PDE1C: variants seen among roughly 807,000 people sequenced by gnomAD.
The protein encoded by PDE1C is dual specificity calcium/calmodulin-dependent 3',5'-cyclic nucleotide phosphodiesterase 1C.
PDE1C carries 62 observed loss-of-function variants against 93.1 expected under a neutral mutation model. The observed-to-expected ratio is 0.67, with a 90% CI of 0.54 to 0.82. PDE1C has a LOEUF of 0.82. Among genes scored for constraint, PDE1C ranks in the 40% least tolerant of loss-of-function variants. PDE1C has a pLI of 0.00. For synonymous variants in PDE1C, 325 were observed against 310.1 expected (o/e 1.05, Z -0.50); for missense variants, 742 against 884.6 (o/e 0.84, Z 2.04).
At chr7:32,106,997 A>G (rs1395819340) in intron 3 of PDE1C, among the ~76,000 whole-genome samples, 4 of 144,668 alleles carry the variant, frequency 2.8e-5, no homozygotes, top group Non-Finnish European at 6.1e-5. Flanking sequence ...AAAAAAAAAA[A>G]GGAAATGCCA....
chr7:31,936,518 G>T (rs187766788), intron 2 of PDE1C, among the ~76,000 whole-genome samples: 39 of 151,914 alleles, frequency 2.6e-4, no homozygotes, highest in African/African-American at 8.4e-4. Flanking sequence ...GAGCAAGCAT[G>T]CGAGCAGGAC....
Position 32,360,908 on chromosome 7 carries a change from C to T in PDE1C, c.310+66914G>A, listed in dbSNP as rs143513873. 6.5e-3 allele frequency among the ~76,000 whole-genome samples: 987 copies of T among 152,274 alleles called. 15 individuals are homozygous for T. The highest frequency in any genetic ancestry group is 0.023 in the African/African-American group (950 of 41,544). On this transcript the variant is annotated intron_variant, in intron 1 of 1. Coordinates refer to the PDE1C transcript ENST00000672256. Reference sequence around the variant, plus strand: ...ATAACAACAACAGCAGCAGCTAACACTAAGTGAGCACTTACTGTATGCTAG... The same window carrying T: ...ATAACAACAACAGCAGCAGCTAACATTAAGTGAGCACTTACTGTATGCTAG...
At chr7:32,181,614 A>C (rs2128812592) in intron 2 of PDE1C, among the ~76,000 whole-genome samples, 1 of 152,294 alleles carries the variant, frequency 6.6e-6, no homozygotes, top group East Asian at 1.9e-4. Flanking sequence ...GAACAAAGAC[A>C]CAACATACCA....
chr7:32,048,515 A>G (rs1792900642), intron 2 of PDE1C, among the ~76,000 whole-genome samples: 1 of 151,782 alleles, frequency 6.6e-6, no homozygotes, highest in South Asian at 2.1e-4. Context: ...GGAGAGAGAG[A>G]AAAAAAATAG....
chr7:32,196,137 G>T (rs563266878), intron 2 of PDE1C, among the ~76,000 whole-genome samples: 33 of 152,246 alleles, frequency 2.2e-4, no homozygotes, highest in Admixed American at 2.1e-3. Flanking sequence ...AGATGAAAGG[G>T]CCAGCTCTCT....
chr7:31,982,042 A>G (rs771947222), intron 2 of PDE1C, among the ~76,000 whole-genome samples: 30 of 152,164 alleles, frequency 2.0e-4, no homozygotes, highest in Non-Finnish European at 3.7e-4. Context: ...GCATGATGCA[A>G]TTCACTGCTA....
intron 1 of PDE1C, among the ~76,000 whole-genome samples, chr7:32,324,556 T>TA (rs1562674405): frequency 1.3e-5 from 2 of 152,288 alleles, no homozygotes; most frequent in East Asian, 1.9e-4. Flanking sequence ...AAAGTTCTAC[T>TA]AAAAAAAGGC....
intron 1 of PDE1C, among the ~76,000 whole-genome samples, chr7:32,210,317 A>G (rs1805905111): frequency 6.6e-6 from 1 of 152,248 alleles, no homozygotes; most frequent in South Asian, 2.1e-4. Flanking sequence ...GTATGTATAC[A>G]TAGCAGACAG....
chr7:32,087,312 C>T (rs1019690846), intron 3 of PDE1C, among the ~76,000 whole-genome samples: 21 of 151,726 alleles, frequency 1.4e-4, no homozygotes, highest in African/African-American at 4.1e-4. Context: ...TACCATCTCA[C>T]ACCAGTTAGA....
At chr7:31,823,845 A>G (rs1042264787) in intron 13 of PDE1C, among the ~76,000 whole-genome samples, 9 of 152,150 alleles carry the variant, frequency 5.9e-5, no homozygotes, top group Non-Finnish European at 1.2e-4. Context: ...AGAAAGCACC[A>G]TCTTTCTGGA....
intron 1 of PDE1C, among the ~76,000 whole-genome samples, chr7:32,331,407 G>T (rs921211489): frequency 2.0e-5 from 3 of 152,186 alleles, no homozygotes; most frequent in African/African-American, 7.2e-5. Flanking sequence ...ATGCAAAAAA[G>T]ACAGAAAGAA....
the PDE1C span, among the ~76,000 whole-genome samples, chr7:31,668,105 CAT>C: frequency 7.2e-5 from 11 of 152,178 alleles, no homozygotes; most frequent in East Asian, 2.1e-3. Flanking sequence ...ACAAAGTAAA[CAT>C]GTGAAAAGAG....
At chr7:31,662,680 A>G in the PDE1C span, among the ~76,000 whole-genome samples, 1 of 152,286 alleles carries the variant, frequency 6.6e-6, no homozygotes, top group African/African-American at 2.4e-5. Context: ...ATAATCTAAA[A>G]TGCTAGTTAC....
chr7:32,057,482 A>AT (rs1794279963), intron 1 of PDE1C, among the ~76,000 whole-genome samples: 1 of 152,190 alleles, frequency 6.6e-6, no homozygotes, highest in Non-Finnish European at 1.5e-5. Context: ...AGCTGGTCAC[A>AT]TCCTGACAGG....
intron 2 of PDE1C, among the ~76,000 whole-genome samples, chr7:31,956,588 A>G (rs74949007): frequency 6.6e-6 from 1 of 151,822 alleles, no homozygotes; most frequent in Non-Finnish European, 1.5e-5. Flanking sequence ...CCTTCTTTAG[A>G]TAGGTTACAC....
At chr7:32,026,083 TAC>T (rs1237422014) in intron 2 of PDE1C, among the ~76,000 whole-genome samples, 1 of 149,904 alleles carries the variant, frequency 6.7e-6, no homozygotes, top group Non-Finnish European at 1.5e-5. Context: ...CATACACACA[TAC>T]ACACACACGC....
chr7:31,924,398 G>T (rs1803071471), intron 2 of PDE1C, among the ~76,000 whole-genome samples: 1 of 152,180 alleles, frequency 6.6e-6, no homozygotes, highest in African/African-American at 2.4e-5. Context: ...CTGAGTAGAA[G>T]ATTCCTCTGA....
At chr7:32,146,160 T>C (rs1800821912) in intron 3 of PDE1C, among the ~76,000 whole-genome samples, 1 of 152,146 alleles carries the variant, frequency 6.6e-6, no homozygotes, top group African/African-American at 2.4e-5. Context: ...TGCCCTGTCA[T>C]GGTGCCTGAA....
intron 16 of PDE1C, among the ~76,000 whole-genome samples, chr7:31,776,681 A>ATATT (rs888387810): frequency 1.3e-5 from 2 of 152,130 alleles, no homozygotes; most frequent in African/African-American, 4.8e-5. Flanking sequence ...ATAAACATAA[A>ATATT]TATTTATTTA....
Sources: gnomAD v4.1 joint callset for allele counts (sites outside exome capture counted in the v4.1 genomes callset) on GRCh38, gnomAD v4.1.1 for gene constraint, MANE v1.5 for transcripts, NCBI Gene and HGNC (gene_info 2026-07-23, HGNC 2026-07-21) for gene names.